Variants in CCDC178 observed in about 807,000 individuals in gnomAD.
CCDC178 encodes coiled-coil domain containing 178, also known as coiled-coil domain-containing protein 178.
Under a neutral mutation model 117.4 loss-of-function variants are expected in CCDC178, and 126 were observed. The observed-to-expected ratio is 1.07, with a 90% CI of 0.93 to 1.24. CCDC178 has a LOEUF of 1.24. Ranked by LOEUF, CCDC178 falls within the 50% of genes most tolerant of loss-of-function variation. The pLI, the probability that CCDC178 is intolerant of heterozygous loss-of-function variation, is 0.00. For missense variants in CCDC178, 1,030 were observed against 986.9 expected, an observed-to-expected ratio of 1.04 and a Z score of -0.59; for synonymous variants, 283 against 313.4, an observed-to-expected ratio of 0.90 and a Z score of 1.02.
intron 17 of CCDC178, among the ~76,000 whole-genome samples, chr18:33,224,384 A>C (rs1192000862): frequency 6.6e-6 from 1 of 152,196 alleles, no homozygotes; most frequent in Non-Finnish European, 1.5e-5. Context: ...AGCTGTCTAA[A>C]CATCTACATG....
chr18:33,125,430 G>T (rs1384269905), intron 20 of CCDC178, among the ~76,000 whole-genome samples: 6 of 151,926 alleles, frequency 3.9e-5, no homozygotes, highest in Admixed American at 3.9e-4. Context: ...AAAATAATAA[G>T]GAAATGTTGA....
At chr18:33,396,865 C>T (rs570865918) in intron 4 of CCDC178, among the ~76,000 whole-genome samples, 1 of 152,136 alleles carries the variant, frequency 6.6e-6, no homozygotes, top group South Asian at 2.1e-4. Context: ...GATGCTTCCT[C>T]ATAATCATTT....
At chr18:33,213,025 A>C (rs745318173) in intron 19 of CCDC178, among the ~76,000 whole-genome samples, 6 of 151,946 alleles carry the variant, frequency 3.9e-5, no homozygotes, top group Non-Finnish European at 7.4e-5. Flanking sequence ...AGCAAGACTA[A>C]TATTTTGGGA....
rs539801440 is a variant in CCDC178 at position 33,128,977 on chromosome 18, C to T, written c.2239-36067G>A. Among the ~76,000 whole-genome samples, 60 of 152,122 alleles carry T rather than the reference C, an allele frequency of 3.9e-4. 2 individuals carry two copies. Among genetic ancestry groups the T allele is most frequent in the South Asian group, 2.9e-3 (14 of 4,818 alleles). The stretch of plus-strand genomic sequence containing the variant: ...GTAAACAACTTTTAAAGTTTTATAT[C>T]CCATAAGAATGAAACCGTTATGAGA... On this transcript the variant is annotated intron_variant, in intron 20 of 22. Transcript: ENST00000383096.
intron 2 of CCDC178, among the ~76,000 whole-genome samples, chr18:33,431,191 C>CTTT (rs35139388): frequency 4.3e-4 from 50 of 117,238 alleles, no homozygotes; most frequent in East Asian, 1.0e-3. Context: ...AATGATTTAA[C>CTTT]TTTTTTTTTT....
At chr18:32,972,711 A>G (rs2054953880) in intron 22 of CCDC178, among the ~76,000 whole-genome samples, 1 of 152,188 alleles carries the variant, frequency 6.6e-6, no homozygotes, top group Middle Eastern at 3.4e-3. Flanking sequence ...AAACATACTA[A>G]AGAACTGAAG....
At chr18:33,250,913 A>G (rs1230662481) in intron 14 of CCDC178, among the ~76,000 whole-genome samples, 1 of 151,666 alleles carries the variant, frequency 6.6e-6, no homozygotes, top group East Asian at 1.9e-4. Flanking sequence ...CCAGAGAGAA[A>G]AGACAAATTA....
intron 12 of CCDC178, among the ~76,000 whole-genome samples, chr18:33,281,386 A>G (rs1380873663): frequency 6.6e-6 from 1 of 152,122 alleles, no homozygotes; most frequent in Non-Finnish European, 1.5e-5. Flanking sequence ...ATATTGAAGG[A>G]AAGACACCTC....
chr18:33,052,472 T>A (rs567877619), intron 21 of CCDC178, among the ~76,000 whole-genome samples: 6 of 152,298 alleles, frequency 3.9e-5, no homozygotes, highest in Non-Finnish European at 8.8e-5. Context: ...TGATTAAACA[T>A]GCAAAGAGAG....
At chr18:33,137,972 G>A (rs980477792) in intron 20 of CCDC178, among the ~76,000 whole-genome samples, 1 of 152,140 alleles carries the variant, frequency 6.6e-6, no homozygotes, top group African/African-American at 2.4e-5. Context: ...ATATTCTTTA[G>A]CCATTTATTT....
chr18:33,054,894 T>C (rs183050426), intron 21 of CCDC178, among the ~76,000 whole-genome samples: 8 of 152,340 alleles, frequency 5.3e-5, no homozygotes, highest in Non-Finnish European at 7.4e-5. Flanking sequence ...ACCAACAGTG[T>C]GAAAGTGTTG....
intron 4 of CCDC178, among the ~76,000 whole-genome samples, chr18:33,392,413 A>C (rs1426482030): frequency 6.6e-6 from 1 of 152,116 alleles, no homozygotes; most frequent in Non-Finnish European, 1.5e-5. Flanking sequence ...TTTTACTCTA[A>C]TCTTCAAACG....
intron 20 of CCDC178, among the ~76,000 whole-genome samples, chr18:33,145,694 G>A (rs2058259348): frequency 6.6e-6 from 1 of 152,152 alleles, no homozygotes; most frequent in Non-Finnish European, 1.5e-5. Flanking sequence ...AAAATTTGAG[G>A]CCAAGACACT....
intron 5 of CCDC178, among the ~76,000 whole-genome samples, chr18:33,388,762 G>A (rs1236989140): frequency 2.6e-5 from 4 of 151,512 alleles, no homozygotes; most frequent in East Asian, 3.9e-4. Flanking sequence ...CTCGTGATCC[G>A]CCCGCCTCGG....
chr18:33,159,058 T>A (rs2058433504), intron 20 of CCDC178, among the ~76,000 whole-genome samples: 1 of 152,092 alleles, frequency 6.6e-6, no homozygotes, highest in Non-Finnish European at 1.5e-5. Flanking sequence ...AAGAAAAATG[T>A]TCTTATGAAT....
At chr18:33,201,311 T>C (rs918778230) in intron 20 of CCDC178, among the ~76,000 whole-genome samples, 1 of 152,238 alleles carries the variant, frequency 6.6e-6, no homozygotes, top group Admixed American at 6.5e-5. Context: ...ACTAAAGCCC[T>C]TGAAAAAGTA....
At chr18:33,168,559 TAATAAA>T (rs2058561020) in intron 20 of CCDC178, among the ~76,000 whole-genome samples, 1 of 152,206 alleles carries the variant, frequency 6.6e-6, no homozygotes, top group Non-Finnish European at 1.5e-5. Context: ...ATAAAACTGT[TAATAAA>T]AATAAATTTT....
chr18:33,220,483 A>G (rs1325611635), intron 18 of CCDC178, among the ~76,000 whole-genome samples: 2 of 152,070 alleles, frequency 1.3e-5, no homozygotes, highest in Non-Finnish European at 2.9e-5. Flanking sequence ...TGCTGCTAAA[A>G]GAAATTACAT....
intron 22 of CCDC178, among the ~76,000 whole-genome samples, chr18:32,959,203 G>A (rs925648323): frequency 4.6e-5 from 7 of 152,124 alleles, no homozygotes; most frequent in Non-Finnish European, 8.8e-5. Flanking sequence ...ATCTGCAGGG[G>A]AAAGGAATGA....
Sources: allele counts gnomAD v4.1 joint callset (sites outside exome capture counted in the v4.1 genomes callset), GRCh38; gene constraint gnomAD v4.1.1; transcripts MANE v1.5; gene names NCBI Gene and HGNC (gene_info 2026-07-23, HGNC 2026-07-21).